CDH2: variants seen among roughly 807,000 people sequenced by gnomAD.
CDH2 encodes cadherin 2.
CDH2 carries 17 observed loss-of-function variants against 92.0 expected under a neutral mutation model. The ratio of observed to expected loss-of-function variants is 0.18; its 90% CI spans 0.13 to 0.28. The LOEUF (loss-of-function observed/expected upper bound fraction) is 0.28, where lower values mean the gene tolerates loss of function less well. Among genes scored for constraint, CDH2 ranks in the 10% least tolerant of loss-of-function variants. The pLI is 1.00. For synonymous variants in CDH2, 419 were observed against 415.9 expected, an observed-to-expected ratio of 1.01 and a Z score of -0.09; for missense variants, 862 against 1,133.1, an observed-to-expected ratio of 0.76 and a Z score of 3.44.
At chr18:28,145,423 C>G (rs539007571) in intron 2 of CDH2, among the ~76,000 whole-genome samples, 1 of 151,996 alleles carries the variant, frequency 6.6e-6, no homozygotes, top group African/African-American at 2.4e-5. Flanking sequence ...TGGTTGGCCT[C>G]GTAATATATC....
At chr18:27,935,996 A>G (rs940793016) in intron 6 of CDH2, among the ~76,000 whole-genome samples, 3 of 152,214 alleles carry the variant, frequency 2.0e-5, no homozygotes, top group African/African-American at 7.2e-5. Flanking sequence ...CTGTTGCACT[A>G]TAAACACAAC....
chr18:27,983,520 G>A (rs1009406470), intron 13 of CDH2, among the ~76,000 whole-genome samples: 30 of 152,166 alleles, frequency 2.0e-4, no homozygotes, highest in African/African-American at 7.2e-4. Context: ...GAAATTCACA[G>A]AAGAAAACAC....
chr18:28,083,964 C>A (rs1259990036), intron 2 of CDH2, among the ~76,000 whole-genome samples: 1 of 152,120 alleles, frequency 6.6e-6, no homozygotes, highest in Admixed American at 6.5e-5. Context: ...CAGTGGACAG[C>A]AATTTTGCCG....
intron 2 of CDH2, among the ~76,000 whole-genome samples, chr18:28,052,705 CCAGA>C (rs1430176414): frequency 2.0e-5 from 3 of 152,138 alleles, no homozygotes; most frequent in Non-Finnish European, 2.9e-5. Context: ...GACGAAGTGG[CCAGA>C]CATTCTCAGG....
chr18:28,150,240 G>A lies in CDH2; in HGVS notation c.61-2456C>T, dbSNP rs946996777. Among the ~76,000 whole-genome samples the A allele has an allele frequency of 5.9e-5, 9 of 152,296 alleles. No homozygotes were observed. In the East Asian group the frequency reaches 1.2e-3, roughly 20 times the overall value. ...ACAGGTCAGGCCGGAGCCCAGAAAC[G>A]CCGTGGCCAGAAGCCAGCGATGGAA... On this transcript the variant is annotated intron_variant, in intron 1 of 15. Coordinates refer to ENST00000269141, the MANE Select transcript of CDH2 (RefSeq NM_001792.5).
rs1891179800 is a variant in CDH2 at position 28,009,121 on chromosome 18, A to G, written c.702+596T>C. 2.0e-5 allele frequency among the ~76,000 whole-genome samples: 3 copies of G among 152,194 alleles called. No individual in the cohort carries two copies. The South Asian group carries it at 6.2e-4, about 31-fold the overall frequency. ...GGAAGGCCTTTATCAACATCTCTGG[A>G]AAGACAGAATGTATGATAAAATTTT... On this transcript the variant is annotated intron_variant, in intron 5 of 15. Transcript: ENST00000269141.
At chr18:28,087,254 T>A (rs988707078) in intron 2 of CDH2, among the ~76,000 whole-genome samples, 2 of 152,168 alleles carry the variant, frequency 1.3e-5, no homozygotes, top group Non-Finnish European at 2.9e-5. Context: ...GGGCTGTGCA[T>A]CTGTGTGAAG....
intron 2 of CDH2, among the ~76,000 whole-genome samples, chr18:28,104,820 T>C (rs935031736): frequency 6.6e-6 from 1 of 151,892 alleles, no homozygotes; most frequent in Non-Finnish European, 1.5e-5. Context: ...TACTGAATTA[T>C]GCTTAATTCT....
intron 2 of CDH2, among the ~76,000 whole-genome samples, chr18:28,109,220 G>T (rs943389361): frequency 6.6e-6 from 1 of 152,168 alleles, no homozygotes; most frequent in African/African-American, 2.4e-5. Flanking sequence ...TATCTATGCT[G>T]CAAAATAAAT....
At chr18:28,057,109 C>A (rs370696372) in intron 2 of CDH2, among the ~76,000 whole-genome samples, 24 of 152,182 alleles carry the variant, frequency 1.6e-4, no homozygotes, top group African/African-American at 5.8e-4. Context: ...CTGGTACATT[C>A]CTGAGCAAGT....
intron 1 of CDH2, among the ~76,000 whole-genome samples, chr18:28,164,197 A>G (rs963394431): frequency 1.3e-5 from 2 of 152,170 alleles, no homozygotes; most frequent in African/African-American, 2.4e-5. Flanking sequence ...ATTCAAATAC[A>G]TATCAAACCT....
Position 27,951,228 on chromosome 18 carries a change from C to T in CDH2, c.*925G>A, listed in dbSNP as rs2143849303. 6.8e-6 allele frequency: 1 copy of T among 146,572 alleles called. No homozygotes were observed. 9.1% of individuals were successfully genotyped at this position (146,572 alleles called of 1,614,324 possible). A position where few individuals can be genotyped will look rare whatever the true frequency, so the allele number is the denominator to read the frequency against. ...CTAAGAACTTTTCTCCCTCCCCAAACCAAAAAGAAAATAAAAAATAAAAAA... is the reference window on the plus strand; with the variant it reads ...CTAAGAACTTTTCTCCCTCCCCAAATCAAAAAGAAAATAAAAAATAAAAAA... On this transcript the variant is annotated 3_prime_UTR_variant, in exon 16 of 16. Transcript: ENST00000269141.
intron 2 of CDH2, among the ~76,000 whole-genome samples, chr18:28,018,528 G>A (rs1304913163): frequency 6.6e-6 from 1 of 151,958 alleles, no homozygotes; most frequent in African/African-American, 2.4e-5. Context: ...AGCATGACTG[G>A]TATTAAAATA....
intron 4 of CDH2, 34 bp from the exon 5 acceptor site, chr18:28,009,906 A>G (rs761332485): frequency 6.5e-7 from 1 of 1,544,308 alleles, no homozygotes; most frequent in Non-Finnish European, 8.8e-7. Flanking sequence ...ATTAAGTGAG[A>G]GACTAAATGA....
chr18:27,946,004 T>C (rs1909259684), downstream of CDH2, among the ~76,000 whole-genome samples: 1 of 152,132 alleles, frequency 6.6e-6, no homozygotes, highest in African/African-American at 2.4e-5. Flanking sequence ...AGAAAGCAGG[T>C]ATGGCTATAT....
chr18:27,954,611 G>A (rs1235991735), intron 15 of CDH2: 1 of 152,164 alleles, frequency 6.6e-6, no homozygotes, highest in African/African-American at 2.4e-5. Flanking sequence ...ACAGACTACA[G>A]CTGACTTACA....
At chr18:28,020,673 A>G (rs2013385370) in intron 2 of CDH2, among the ~76,000 whole-genome samples, 1 of 151,964 alleles carries the variant, frequency 6.6e-6, no homozygotes, top group Non-Finnish European at 1.5e-5. Flanking sequence ...GATGATGACA[A>G]ATTTATCTTA....
At position 27,951,466 on chromosome 18, in the gene CDH2, T is replaced by C. The variant is rs201241528; in HGVS notation, c.*687A>G. On this transcript the variant is annotated 3_prime_UTR_variant, in exon 16 of 16. Transcript: ENST00000269141. ...TTATGTACACATACTATTTTTACAG[T>C]GAAGTGGAAAAATACAGAAATAAAA... 1 of 152,354 alleles carries C rather than the reference T, an allele frequency of 6.6e-6. No homozygotes were observed. Among genetic ancestry groups the C allele is most frequent in the Non-Finnish European group, 1.5e-5 (1 of 68,032 alleles). The allele number at this position is 152,354 out of a possible 1,614,324, so 9.4% of individuals were successfully genotyped here.
At chr18:27,989,077 C>A (rs942384123) in intron 10 of CDH2, among the ~76,000 whole-genome samples, 1 of 152,186 alleles carries the variant, frequency 6.6e-6, no homozygotes, top group Non-Finnish European at 1.5e-5. Context: ...TTGAATACTG[C>A]ATCACAGAAC....
Sources: gnomAD v4.1 joint callset for allele counts (sites outside exome capture counted in the v4.1 genomes callset) on GRCh38, gnomAD v4.1.1 for gene constraint, MANE v1.5 for transcripts, NCBI Gene and HGNC (gene_info 2026-07-23, HGNC 2026-07-21) for gene names.